OAS3: variants seen among roughly 807,000 people sequenced by gnomAD.
OAS3 encodes 2'-5'-oligoadenylate synthetase 3.
Under a neutral mutation model 113.0 loss-of-function variants are expected in OAS3, and 107 were observed. The observed-to-expected ratio is 0.95, with a 90% CI of 0.81 to 1.11. The LOEUF (loss-of-function observed/expected upper bound fraction) is 1.11. Among genes scored for constraint, OAS3 ranks in the 50% most tolerant of loss-of-function variants. OAS3 has a pLI of 0.00. For missense variants in OAS3, 1,258 were observed against 1,389.1 expected (o/e 0.91, Z 1.50); for synonymous variants, 552 against 573.6 (o/e 0.96, Z 0.54).
At chr12:112,968,311 C>G in intron 14 of OAS3, 137 bp downstream of exon 14, 1 of 1,211,568 alleles carries the variant, frequency 8.3e-7, no homozygotes, top group Non-Finnish European at 1.1e-6. Flanking sequence ...TTTGTAGTAC[C>G]TGAGGGACAA....
chr12:112,941,957 C>T, intron 2 of OAS3, 105 bp downstream of exon 2: 1 of 1,362,632 alleles, frequency 7.3e-7, no homozygotes, highest in African/African-American at 1.4e-5. Flanking sequence ...TTGACCTGGG[C>T]CAGCCTCTAC....
At chr12:112,961,832 G>A (rs2043889928) in intron 8 of OAS3, among the ~76,000 whole-genome samples, 1 of 149,782 alleles carries the variant, frequency 6.7e-6, no homozygotes, top group Non-Finnish European at 1.5e-5. Context: ...GTCTCCCTTT[G>A]TCATCCAGGC....
chr12:112,965,631 G>A, intron 11 of OAS3, 113 bp from the exon 12 acceptor site: 1 of 877,502 alleles, frequency 1.1e-6, no homozygotes, highest in Non-Finnish European at 1.7e-6. Flanking sequence ...ATCTAACACA[G>A]AGAGGTTAGA....
rs757258052 is a variant in OAS3 at position 112,962,912 on chromosome 12, C to G, written c.2084+10C>G. ...AGCTTCGAAAACCCAGGTGAAGACC[C>G]GCTTCCCTTTGCCTGGCTTCATTAT... On this transcript the variant is annotated intron_variant, in intron 9 of 15. Coordinates refer to ENST00000228928, the MANE Select transcript of OAS3 (RefSeq NM_006187.4). The G allele has an allele frequency of 6.2e-7, 1 of 1,612,078 alleles. No homozygotes were observed. The highest frequency in any genetic ancestry group is 1.7e-5 in the Admixed American group (1 of 59,994).
chr12:112,956,562 A>T (rs1593180705), intron 7 of OAS3, among the ~76,000 whole-genome samples: 1 of 152,244 alleles, frequency 6.6e-6, no homozygotes, highest in Non-Finnish European at 1.5e-5. Context: ...GTTTCAAAGA[A>T]CATCTTTATT....
At chr12:112,947,923 T>C (rs1361651605) in intron 4 of OAS3, 23 bp from the exon 5 acceptor site, 1 of 1,561,174 alleles carries the variant, frequency 6.4e-7, no homozygotes, top group Middle Eastern at 1.7e-4. Context: ...AACCAGAACC[T>C]TCTTGTCTCT....
chr12:112,943,511 G>A (rs1051186828), intron 2 of OAS3, among the ~76,000 whole-genome samples: 9 of 152,196 alleles, frequency 5.9e-5, no homozygotes, highest in East Asian at 5.8e-4. Context: ...CGGAAAAGGC[G>A]CACCCTGCAA....
At chr12:112,969,577 G>A in intron 14 of OAS3, 31 bp from the exon 15 acceptor site, 1 of 1,580,456 alleles carries the variant, frequency 6.3e-7, no homozygotes, top group African/African-American at 1.3e-5. Flanking sequence ...ATGTTGCCAG[G>A]AATAAGACTG....
chr12:112,949,229 A>AG (rs3214199), intron 6 of OAS3, 24 bp downstream of exon 6: 868,484 of 1,572,258 alleles, frequency 0.55, 246,080 homozygotes, highest in East Asian at 0.89. Context: ...GTGGAGACAC[A>AG]GGGGGGACCC....
chr12:112,959,027 C>T (rs2043859779), intron 7 of OAS3, among the ~76,000 whole-genome samples: 1 of 152,230 alleles, frequency 6.6e-6, no homozygotes, highest in Non-Finnish European at 1.5e-5. Context: ...TGTTTACCTA[C>T]TCAAGCCTCA....
rs745545367 is a variant in OAS3, at chr12:112,941,673, G to A, written c.281G>A (p.Arg94His). The A allele has an allele frequency of 6.8e-6, 11 of 1,613,932 alleles. No homozygotes were observed. The African/African-American group carries it at 8.0e-5, about 12-fold the overall frequency. Residue 94 changes from arginine to histidine, a missense_variant, in exon 2 of 16, where the codon CGT (arginine) becomes CAT (histidine). Transcript: ENST00000228928. ...AGCTATGTGGACCAGAGGGCCCGCC[G>A]TGCAGAGATCCTCAGTGAGATGCGG... ...FKSYVDQRAR[R>H]AEILSEMRAS...
At position 112,947,811 on chromosome 12, in the gene OAS3, C is replaced by T. The variant is rs1251651334; in HGVS notation, c.876-135C>T. ...TTCCTCATTTTGCGGATAAGGAAAT[C>T]GAGGCTCAGAGAGGGTAAATCATTT... On this transcript the variant is annotated intron_variant, in intron 4 of 15. Coordinates refer to ENST00000228928, the MANE Select transcript of OAS3 (RefSeq NM_006187.4). The T allele has an allele frequency of 1.2e-5, 9 of 732,516 alleles. No homozygotes were observed. In the Admixed American group the frequency reaches 1.8e-4, roughly 15 times the overall value. 45.4% of individuals were successfully genotyped at this position (732,516 alleles called of 1,614,324 possible).
chr12:112,960,929 A>T, intron 7 of OAS3, 142 bp from the exon 8 acceptor site: 1 of 807,522 alleles, frequency 1.2e-6, no homozygotes, highest in Non-Finnish European at 2.0e-6. Context: ...TCTGATTGTT[A>T]TTCAATGTTA....
rs148075547 is a variant in OAS3 at position 112,960,138 on chromosome 12, G to A, written c.1658-933G>A. Among the ~76,000 whole-genome samples the A allele has an allele frequency of 6.6e-4, 100 of 152,164 alleles. 1 individual carries two copies. The East Asian group carries it at 0.018, about 28-fold the overall frequency. Reference sequence around the variant, plus strand: ...CCTGTGGAAGTTCCTTGTGCCCTGGGTTGGAGAAATATTACCCTTGGGACC... The same window carrying A: ...CCTGTGGAAGTTCCTTGTGCCCTGGATTGGAGAAATATTACCCTTGGGACC... On this transcript the variant is annotated intron_variant, in intron 7 of 15. Transcript: ENST00000228928.
At chr12:112,947,232 A>C (rs184496020) in intron 4 of OAS3, among the ~76,000 whole-genome samples, 32 of 152,316 alleles carry the variant, frequency 2.1e-4, no homozygotes, top group African/African-American at 7.5e-4. Flanking sequence ...GTATAGCAGA[A>C]AGTGCATGTT....
At chr12:112,939,462 G>A (rs1216351776) in intron 1 of OAS3, among the ~76,000 whole-genome samples, 9 of 152,022 alleles carry the variant, frequency 5.9e-5, no homozygotes, top group African/African-American at 1.9e-4. Flanking sequence ...TGGCACTACA[G>A]GTGCACACTA....
chr12:112,962,291 C>T (rs2043893893), intron 8 of OAS3, among the ~76,000 whole-genome samples: 1 of 152,210 alleles, frequency 6.6e-6, no homozygotes, highest in African/African-American at 2.4e-5. Flanking sequence ...TCCTGTACAA[C>T]CACCCCATGT....
rs779939777 is a variant in OAS3, at chr12:112,966,044, C to T, written c.2689+15C>T. ...TGACGCCCTAGGTGAGGTGCCCTGG[C>T]GTAGACCTGAGAGGGGGAAATACAG... is the stretch of plus-strand genomic sequence containing the variant. On this transcript the variant is annotated intron_variant, in intron 12 of 15. Coordinates refer to ENST00000228928, the MANE Select transcript of OAS3 (RefSeq NM_006187.4). 18 of 1,612,702 alleles carry T rather than the reference C, an allele frequency of 1.1e-5. No homozygotes were observed. The Admixed American group carries it at 1.5e-4, about 13-fold the overall frequency.
rs764234525 is a variant in OAS3, at chr12:112,946,787, T to A, written c.681T>A (p.Tyr227Ter). 1 of 1,613,424 alleles carries A rather than the reference T, an allele frequency of 6.2e-7. No individual in the cohort carries two copies. Among genetic ancestry groups the A allele is most frequent in the Non-Finnish European group, 8.5e-7 (1 of 1,179,676 alleles). Reference protein sequence around the residue: ...GLWKETLPPVYALELLTIFAW... With the variant: ...GLWKETLPPV ...GGAAGGAGACGCTGCCCCCGGTCTA[T>A]GCCCTGGAATTGCTGACCATCTTCG... The change falls in exon 4 of 16, where the codon TAT (tyrosine) becomes TAA (stop). Residue 227 changes from tyrosine (Y) to a stop codon, truncating the protein, a stop_gained. Coordinates refer to ENST00000228928, the MANE Select transcript of OAS3 (RefSeq NM_006187.4). LOFTEE classifies it high-confidence loss of function.
Sources: gnomAD v4.1 joint callset for allele counts (sites outside exome capture counted in the v4.1 genomes callset) on GRCh38, gnomAD v4.1.1 for gene constraint, MANE v1.5 for transcripts, NCBI Gene and HGNC (gene_info 2026-07-23, HGNC 2026-07-21) for gene names.